Variants in EYS observed in about 807,000 individuals in gnomAD.
The protein encoded by EYS is protein eyes shut homolog.
EYS carries 250 observed loss-of-function variants against 282.1 expected under a neutral mutation model. That is an observed-to-expected ratio of 0.89 (90% CI 0.80 to 0.98). EYS has a LOEUF of 0.98. Among genes scored for constraint, EYS ranks in the 50% least tolerant of loss-of-function variants. The pLI, the probability that EYS is intolerant of heterozygous loss-of-function variation, is 0.00. For synonymous variants in EYS, 1,355 were observed against 1,282.9 expected, an observed-to-expected ratio of 1.06 and a Z score of -1.20; for missense variants, 4,016 against 3,709.0, an observed-to-expected ratio of 1.08 and a Z score of -2.15.
At chr6:65,133,082 A>T (rs1775926628) in intron 12 of EYS, among the ~76,000 whole-genome samples, 1 of 152,032 alleles carries the variant, frequency 6.6e-6, no homozygotes. Context: ...ATGGGAAAAC[A>T]TTTCATTCTT....
At chr6:64,357,770 A>AAT (rs1771874072) in intron 29 of EYS, among the ~76,000 whole-genome samples, 2 of 151,686 alleles carry the variant, frequency 1.3e-5, no homozygotes, top group African/African-American at 4.8e-5. Flanking sequence ...AGCACAAGAC[A>AAT]ATACATTAAA....
At chr6:64,012,307 A>C (rs1172491977) in intron 33 of EYS, among the ~76,000 whole-genome samples, 1 of 152,210 alleles carries the variant, frequency 6.6e-6, no homozygotes, top group Non-Finnish European at 1.5e-5. Flanking sequence ...GAAAGAGGGT[A>C]AGTTCAGTTG....
intron 34 of EYS, among the ~76,000 whole-genome samples, chr6:63,993,546 TA>T (rs1236782118): frequency 6.6e-6 from 1 of 151,326 alleles, no homozygotes; most frequent in African/African-American, 2.4e-5. Context: ...CTATCACAAA[TA>T]AGAAAACAAT....
intron 31 of EYS, among the ~76,000 whole-genome samples, chr6:64,193,998 T>G (rs1170951008): frequency 1.3e-5 from 2 of 152,140 alleles, no homozygotes; most frequent in Non-Finnish European, 2.9e-5. Flanking sequence ...TGATTTATAA[T>G]CCTTTGGGTA....
chr6:64,352,723 C>T (rs917763664), intron 29 of EYS, among the ~76,000 whole-genome samples: 77 of 151,574 alleles, frequency 5.1e-4, no homozygotes, highest in African/African-American at 1.8e-3. Context: ...TTTTAAATTC[C>T]TGTTCTTATA....
chr6:64,720,924 A>G (rs528860738), intron 22 of EYS, among the ~76,000 whole-genome samples: 4 of 152,366 alleles, frequency 2.6e-5, no homozygotes, highest in African/African-American at 9.6e-5. Flanking sequence ...TAAAATATGC[A>G]TCATAAGCAT....
intron 2 of EYS, among the ~76,000 whole-genome samples, chr6:65,610,817 A>G (rs540300252): frequency 6.6e-6 from 1 of 152,112 alleles, no homozygotes; most frequent in Non-Finnish European, 1.5e-5. Flanking sequence ...TATCGTGTTT[A>G]TAATGATCAA....
At chr6:64,962,354 T>C (rs989323887) in intron 14 of EYS, among the ~76,000 whole-genome samples, 1 of 152,146 alleles carries the variant, frequency 6.6e-6, no homozygotes, top group African/African-American at 2.4e-5. Context: ...AATTTATCTA[T>C]GTATCTCTTT....
intron 12 of EYS, among the ~76,000 whole-genome samples, chr6:65,096,668 G>C (rs1774748333): frequency 6.6e-6 from 1 of 150,946 alleles, no homozygotes; most frequent in African/African-American, 2.4e-5. Flanking sequence ...TAATCAAACA[G>C]AATAGACAGC....
At chr6:65,317,821 C>CTTT in intron 11 of EYS, among the ~76,000 whole-genome samples, 1 of 51,548 alleles carries the variant, frequency 1.9e-5, no homozygotes, top group East Asian at 4.5e-4. Flanking sequence ...TTCCTTCCTT[C>CTTT]CTTCCTTTCT....
chr6:64,178,947 T>C (rs1764710954), intron 31 of EYS, among the ~76,000 whole-genome samples: 1 of 151,910 alleles, frequency 6.6e-6, no homozygotes, highest in South Asian at 2.1e-4. Flanking sequence ...TCTGCTTGCC[T>C]TGTAATTTGA....
chr6:64,833,536 GAGGTTATACAT>G (rs1354827684), intron 19 of EYS, among the ~76,000 whole-genome samples: 2 of 151,958 alleles, frequency 1.3e-5, no homozygotes, highest in Non-Finnish European at 2.9e-5. Context: ...ATAGAAACAT[GAGGTTATACAT>G]AGGTCAAAAC....
chr6:64,999,715 C>T (rs1332303284), intron 13 of EYS, among the ~76,000 whole-genome samples: 2 of 152,166 alleles, frequency 1.3e-5, no homozygotes, highest in Non-Finnish European at 2.9e-5. Context: ...TTGAGAGGCA[C>T]ACATCAGCAG....
Position 64,031,397 on chromosome 6 carries a change from C to A in EYS, c.6726-32214G>T, listed in dbSNP as rs116359811. On this transcript the variant is annotated intron_variant, in intron 33 of 42. Transcript: ENST00000503581. ...GCAGCCTGCCATGCCTGAGCCACAC[C>A]CCCAACCCCCACCCTCCATGGGCTC... Among the ~76,000 whole-genome samples, 5 of 152,160 alleles carry A rather than the reference C, an allele frequency of 3.3e-5. No individual in the cohort carries two copies. In the East Asian group the frequency reaches 9.7e-4, roughly 29 times the overall value.
At chr6:64,998,778 AT>A (rs1435177540) in intron 13 of EYS, among the ~76,000 whole-genome samples, 1 of 152,220 alleles carries the variant, frequency 6.6e-6, no homozygotes, top group Non-Finnish European at 1.5e-5. Flanking sequence ...TACACATGGT[AT>A]TTTTTATTTT....
chr6:65,247,639 G>A (rs921347101), intron 12 of EYS, among the ~76,000 whole-genome samples: 1 of 151,956 alleles, frequency 6.6e-6, no homozygotes, highest in Non-Finnish European at 1.5e-5. Flanking sequence ...ATCTCACTAT[G>A]CATTCTAACC....
intron 26 of EYS, among the ~76,000 whole-genome samples, chr6:64,571,688 T>C (rs1216240105): frequency 6.6e-6 from 1 of 152,032 alleles, no homozygotes; most frequent in Non-Finnish European, 1.5e-5. Context: ...AAGAAAGGGA[T>C]AAATCCAGGA....
chr6:65,190,788 C>A (rs1208805781), intron 12 of EYS, among the ~76,000 whole-genome samples: 1 of 151,756 alleles, frequency 6.6e-6, no homozygotes, highest in African/African-American at 2.4e-5. Flanking sequence ...ATTCCATAAT[C>A]TGCATGTATC....
At chr6:64,892,940 G>C (rs1767333202) in intron 18 of EYS, among the ~76,000 whole-genome samples, 1 of 152,010 alleles carries the variant, frequency 6.6e-6, no homozygotes, top group Admixed American at 6.6e-5. Context: ...CAAACTGAAT[G>C]GTCACAATAT....
Sources: gnomAD v4.1 joint callset for allele counts (sites outside exome capture counted in the v4.1 genomes callset) on GRCh38, gnomAD v4.1.1 for gene constraint, MANE v1.5 for transcripts, NCBI Gene and HGNC (gene_info 2026-07-23, HGNC 2026-07-21) for gene names.